The following NCAPG variants were observed in gnomAD, a reference collection of about 807,000 sequenced individuals.
NCAPG encodes condensin complex subunit 3.
In NCAPG, 69 loss-of-function variants were observed where a neutral mutation model predicts 113.1. That is an observed-to-expected ratio of 0.61 (90% CI 0.50 to 0.75). The LOEUF (loss-of-function observed/expected upper bound fraction) is 0.75. Ranked by LOEUF, NCAPG falls within the 30% of genes least tolerant of loss-of-function variation. The pLI, the probability that NCAPG is intolerant of heterozygous loss-of-function variation, is 0.00. For missense variants in NCAPG, 1,058 were observed against 1,177.0 expected (o/e 0.90, Z 1.48); for synonymous variants, 370 against 415.8 (o/e 0.89, Z 1.34).
rs1324971971 is a variant in NCAPG, at chr4:17,822,967, A to G, written c.1119-16A>G. The G allele has an allele frequency of 4.5e-6, 7 of 1,566,818 alleles. No homozygotes were observed. The highest frequency in any genetic ancestry group is 6.0e-6 in the Non-Finnish European group (7 of 1,162,298). ...TTTCTTAAAAGATTCTACTTTATTA[A>G]TTCTGCTTGTTTTAGTTACATCCAG... On this transcript the variant is annotated splice_polypyrimidine_tract_variant and intron_variant, in intron 7 of 20. Coordinates refer to ENST00000251496, the MANE Select transcript of NCAPG (RefSeq NM_022346.5).
At chr4:17,820,199 CT>C (rs1215410107) in intron 7 of NCAPG, among the ~76,000 whole-genome samples, 1 of 152,146 alleles carries the variant, frequency 6.6e-6, no homozygotes, top group African/African-American at 2.4e-5. Context: ...TTGTAAAAAG[CT>C]TGATTCCTCC....
intron 13 of NCAPG, 143 bp downstream of exon 13, chr4:17,831,259 T>C: frequency 2.1e-6 from 2 of 954,198 alleles, no homozygotes; most frequent in Non-Finnish European, 3.0e-6. Flanking sequence ...TACTTTTATC[T>C]TTTGATTTCT....
intron 12 of NCAPG, 131 bp from the exon 13 acceptor site, chr4:17,830,866 T>A (rs952541508): frequency 1.0e-5 from 9 of 878,220 alleles, no homozygotes; most frequent in Non-Finnish European, 1.5e-5. Context: ...ACTCTGGCTA[T>A]ATTGTTCTGT....
intron 13 of NCAPG, among the ~76,000 whole-genome samples, chr4:17,833,421 T>C (rs551020911): frequency 2.0e-5 from 3 of 151,614 alleles, no homozygotes; most frequent in African/African-American, 4.8e-5. Context: ...ATTGCGCTAT[T>C]ATGCTCCAGG....
intron 11 of NCAPG, among the ~76,000 whole-genome samples, chr4:17,826,098 T>A (rs567838733): frequency 2.0e-5 from 3 of 152,266 alleles, no homozygotes; most frequent in African/African-American, 4.8e-5. Flanking sequence ...GTTCGTTTTT[T>A]AAAAAATTAG....
At chr4:17,834,571 G>C in intron 14 of NCAPG, 48 bp downstream of exon 14, 1 of 1,192,708 alleles carries the variant, frequency 8.4e-7, no homozygotes. Context: ...TTTTCAGCAT[G>C]TATTTGTTTA....
chr4:17,839,054 T>A (rs769345399), intron 16 of NCAPG, among the ~76,000 whole-genome samples: 3 of 151,608 alleles, frequency 2.0e-5, no homozygotes, highest in Non-Finnish European at 4.4e-5. Context: ...GATGGAGGAG[T>A]CCAGGAAAAC....
chr4:17,827,542 T>A (rs1282773326), intron 11 of NCAPG, among the ~76,000 whole-genome samples: 1 of 152,142 alleles, frequency 6.6e-6, no homozygotes, highest in East Asian at 1.9e-4. Flanking sequence ...GTATCTTAAG[T>A]CTTTTGGTTT....
chr4:17,840,056 T>A lies in NCAPG; in HGVS notation c.2629-15T>A. 1.3e-6 allele frequency: 2 copies of A among 1,590,670 alleles called. No homozygotes were observed. Among genetic ancestry groups the A allele is most frequent in the South Asian group, 2.3e-5 (2 of 86,512 alleles). On this transcript the variant is annotated splice_polypyrimidine_tract_variant and intron_variant, in intron 17 of 20. Coordinates refer to ENST00000251496, the MANE Select transcript of NCAPG (RefSeq NM_022346.5). ...TGCGGTGTTTACAAAATGTTAATAATGTTTTCTTTTATAGCAAGTAAAAGA... is the reference window on the plus strand; with the variant it reads ...TGCGGTGTTTACAAAATGTTAATAAAGTTTTCTTTTATAGCAAGTAAAAGA...
intron 9 of NCAPG, among the ~76,000 whole-genome samples, chr4:17,824,686 A>G (rs1443299147): frequency 2.0e-5 from 3 of 152,120 alleles, no homozygotes; most frequent in African/African-American, 7.2e-5. Context: ...ACCATAATTC[A>G]TATTTCTGTT....
chr4:17,814,000 T>G (rs1299449579), intron 3 of NCAPG, among the ~76,000 whole-genome samples: 1 of 152,130 alleles, frequency 6.6e-6, no homozygotes, highest in Non-Finnish European at 1.5e-5. Flanking sequence ...CAACCTGTAC[T>G]TAATAATTGA....
chr4:17,818,216 T>A, intron 7 of NCAPG, 128 bp downstream of exon 7: 1 of 917,296 alleles, frequency 1.1e-6, no homozygotes, highest in Non-Finnish European at 1.6e-6. Context: ...CATGTAGGGA[T>A]AGTTATATAC....
At chr4:17,827,232 G>T (rs376059528) in intron 11 of NCAPG, among the ~76,000 whole-genome samples, 1 of 152,192 alleles carries the variant, frequency 6.6e-6, no homozygotes, top group Non-Finnish European at 1.5e-5. Context: ...AAAATTAAGG[G>T]CTAGGTCATG....
At chr4:17,833,468 A>AT (rs200680454) in intron 13 of NCAPG, among the ~76,000 whole-genome samples, 4,991 of 142,220 alleles carry the variant, frequency 0.035, 106 homozygotes, top group African/African-American at 0.066. Flanking sequence ...CAAAAAAAAA[A>AT]AATATATATA....
chr4:17,832,279 T>C (rs1182910801), intron 13 of NCAPG, among the ~76,000 whole-genome samples: 1 of 152,180 alleles, frequency 6.6e-6, no homozygotes, highest in East Asian at 1.9e-4. Flanking sequence ...GGGTATTTGA[T>C]AATCTAGGAA....
rs774067134 is a variant in NCAPG, at chr4:17,825,458, G to A, written c.1550G>A (p.Arg517Gln). ...ENCITLQDFN[R>Q]ASELKEEIKA... ...TGCATTACCTTACAGGATTTTAATC[G>A]GGCATCAGAATTAAAAGAAGAAATA... Residue 517 changes from arginine to glutamine, a missense_variant, in exon 11 of 21, where the codon CGG becomes CAG. Physicochemically the swap from Arg to Gln is conservative, Grantham distance 43 (BLOSUM62 1). Transcript: ENST00000251496. The A allele has an allele frequency of 1.3e-5, 21 of 1,609,096 alleles. No individual in the cohort carries two copies. The highest frequency in any genetic ancestry group is 1.7e-5 in the Admixed American group (1 of 58,712).
intron 20 of NCAPG, 150 bp from the exon 21 acceptor site, chr4:17,843,148 TGACA>T: frequency 2.7e-6 from 2 of 747,742 alleles, no homozygotes; most frequent in Non-Finnish European, 4.2e-6. Context: ...AGTGTTTTTT[TGACA>T]TTGAGATTTT....
chr4:17,815,416 C>T (rs373215411), intron 5 of NCAPG, 58 bp downstream of exon 5: 1 of 1,307,548 alleles, frequency 7.6e-7, no homozygotes, highest in Non-Finnish European at 1.1e-6. Flanking sequence ...TCAGACTTAA[C>T]AAGGTTTAAG....
chr4:17,812,093 A>T, intron 1 of NCAPG, 128 bp from the exon 2 acceptor site: 1 of 725,408 alleles, frequency 1.4e-6, no homozygotes, highest in Non-Finnish European at 2.2e-6. Flanking sequence ...GATAATTAAG[A>T]GTTTACTAAA....
Sources: gnomAD v4.1 joint callset for allele counts (sites outside exome capture counted in the v4.1 genomes callset) on GRCh38, gnomAD v4.1.1 for gene constraint, MANE v1.5 for transcripts, NCBI Gene and HGNC (gene_info 2026-07-23, HGNC 2026-07-21) for gene names.